PNPLA8: variants seen among roughly 807,000 people sequenced by gnomAD.
The protein encoded by PNPLA8 is patatin like domain 8, phospholipase A2.
Under a neutral mutation model 76.9 loss-of-function variants are expected in PNPLA8, and 39 were observed. That is an observed-to-expected ratio of 0.51 (90% CI 0.39 to 0.66). PNPLA8 has a LOEUF of 0.66. Among genes scored for constraint, PNPLA8 ranks in the 30% least tolerant of loss-of-function variants. The probability of loss-of-function intolerance (pLI) is 0.00; values close to 1 mark genes in which losing one functional copy is unlikely to be tolerated. For missense variants in PNPLA8, 887 were observed against 918.0 expected, an observed-to-expected ratio of 0.97 and a Z score of 0.44; for synonymous variants, 301 against 307.9, an observed-to-expected ratio of 0.98 and a Z score of 0.24.
intron 4 of PNPLA8, among the ~76,000 whole-genome samples, chr7:108,512,824 TA>T (rs1863037713): frequency 6.6e-6 from 1 of 152,156 alleles, no homozygotes; most frequent in South Asian, 2.1e-4. Flanking sequence ...TTTTTCATAG[TA>T]TTGAAAGGTC....
At position 108,502,571 on chromosome 7, in the gene PNPLA8, T is replaced by C. The variant is rs1420824978; in HGVS notation, c.1278A>G (p.Glu426=). 3.1e-6 allele frequency: 5 copies of C among 1,612,688 alleles called. No individual in the cohort carries two copies. The Admixed American group carries it at 8.3e-5, about 27-fold the overall frequency. ...KDETLQAAVR[E]ILALIGYVDP... ...CCACATAGCCAATTAGGGCCAAAAT[T>C]TCTCTAACTGCAGCCTGAAGAGTTT... The change falls in exon 5 of 11, where the codon GAA becomes GAG. Residue 426 remains glutamate (E), a synonymous_variant. Transcript: ENST00000257694.
At position 108,472,303 on chromosome 7, in the gene PNPLA8, A is replaced by G. The variant is rs1859673911; in HGVS notation, c.*98T>C. 1.2e-6 allele frequency: 1 copy of G among 813,994 alleles called. No homozygotes were observed. Among genetic ancestry groups the G allele is most frequent in the Admixed American group, 2.9e-5 (1 of 34,760 alleles). 50.4% of individuals were successfully genotyped at this position (813,994 alleles called of 1,614,324 possible). A position where few individuals can be genotyped will look rare whatever the true frequency, so the allele number is the denominator to read the frequency against. ...TCAGGATTCTCCAGAATTCATACGT[A>G]TTTCAAAGTTAACTCATGTCGAACC... On this transcript the variant is annotated 3_prime_UTR_variant, in exon 11 of 11. Coordinates refer to ENST00000257694, the MANE Select transcript of PNPLA8 (RefSeq NM_001256007.3).
intron 9 of PNPLA8, among the ~76,000 whole-genome samples, chr7:108,484,319 G>C (rs766982977): frequency 5.3e-5 from 8 of 152,096 alleles, no homozygotes; most frequent in Non-Finnish European, 1.0e-4. Context: ...TTGTCAGATG[G>C]CTATTCTATC....
chr7:108,522,857 A>G (rs1055664373), intron 1 of PNPLA8, among the ~76,000 whole-genome samples: 7 of 152,268 alleles, frequency 4.6e-5, no homozygotes, highest in Non-Finnish European at 8.8e-5. Context: ...AGACAATTTC[A>G]TAATCATGAG....
chr7:108,478,844 T>C (rs1563931820), intron 10 of PNPLA8, among the ~76,000 whole-genome samples: 2 of 152,254 alleles, frequency 1.3e-5, no homozygotes, highest in Non-Finnish European at 2.9e-5. Context: ...TGCTATCATG[T>C]ATATGTTTGA....
intron 5 of PNPLA8, among the ~76,000 whole-genome samples, chr7:108,498,153 A>C (rs1400855400): frequency 2.6e-5 from 4 of 151,630 alleles, no homozygotes; most frequent in Non-Finnish European, 5.9e-5. Flanking sequence ...AACAAAAAAA[A>C]CTGGAAAACA....
chr7:108,524,652 C>A (rs1360107363), intron 1 of PNPLA8, among the ~76,000 whole-genome samples: 1 of 152,048 alleles, frequency 6.6e-6, no homozygotes, highest in South Asian at 2.1e-4. Context: ...TGGGGAAACC[C>A]GTCTCTACTT....
chr7:108,498,942 T>C (rs1861751578), intron 5 of PNPLA8, among the ~76,000 whole-genome samples: 1 of 152,124 alleles, frequency 6.6e-6, no homozygotes, highest in Non-Finnish European at 1.5e-5. Context: ...TTGTGCTTGA[T>C]AATGTTAACA....
intron 7 of PNPLA8, among the ~76,000 whole-genome samples, chr7:108,493,812 CTAAGAT>C (rs1861374265): frequency 6.6e-6 from 1 of 151,440 alleles, no homozygotes; most frequent in Non-Finnish European, 1.5e-5. Flanking sequence ...TAAAAGTAGC[CTAAGAT>C]TAACTTTGAA....
upstream of PNPLA8, chr7:108,527,915 G>A (rs921269750): frequency 6.6e-6 from 1 of 152,150 alleles, no homozygotes; most frequent in Non-Finnish European, 1.5e-5. Context: ...TTCCCTCTCC[G>A]CTTATGCTCT....
chr7:108,521,143 A>G (rs1474366861), intron 2 of PNPLA8, among the ~76,000 whole-genome samples: 1 of 151,596 alleles, frequency 6.6e-6, no homozygotes, highest in East Asian at 1.9e-4. Flanking sequence ...ATATAGCCAG[A>G]AAAAAAAATG....
chr7:108,472,775 T>C (rs1295789837), intron 10 of PNPLA8, 100 bp from the exon 11 acceptor site: 12 of 748,210 alleles, frequency 1.6e-5, no homozygotes, highest in Non-Finnish European at 1.8e-5. Flanking sequence ...AACTTCTTTT[T>C]AGGCACATTA....
At chr7:108,521,324 T>G (rs951542122) in intron 2 of PNPLA8, among the ~76,000 whole-genome samples, 152 bp downstream of exon 2, 1 of 152,060 alleles carries the variant, frequency 6.6e-6, no homozygotes, top group Non-Finnish European at 1.5e-5. Context: ...ACACCTATAA[T>G]GAAAGGCTGA....
intron 10 of PNPLA8, among the ~76,000 whole-genome samples, chr7:108,475,503 T>A (rs1203655471): frequency 6.6e-6 from 1 of 152,164 alleles, no homozygotes; most frequent in South Asian, 2.1e-4. Flanking sequence ...AATCTACATA[T>A]CAATTTGTGA....
At position 108,515,558 on chromosome 7, in the gene PNPLA8, A is replaced by G. The variant is rs564645982; in HGVS notation, c.-67T>C. 1.1e-5 allele frequency: 14 copies of G among 1,304,002 alleles called. No individual in the cohort carries two copies. Among genetic ancestry groups the G allele is most frequent in the South Asian group, 2.7e-5 (1 of 37,174 alleles). 80.8% of individuals were successfully genotyped at this position (1,304,002 alleles called of 1,614,324 possible). A position where few individuals can be genotyped will look rare whatever the true frequency, so the allele number is the denominator to read the frequency against. ...TTGAACGCTTCATTTAAGAAATGCC[A>G]TAATTCATGGTCTTACCTGAAATGG... On this transcript the variant is annotated 5_prime_UTR_variant, in exon 3 of 11. It removes an upstream start codon present in the reference 5' UTR. Transcript: ENST00000257694.
chr7:108,527,707 G>T, upstream of PNPLA8: 1 of 152,312 alleles, frequency 6.6e-6, no homozygotes, highest in Non-Finnish European at 1.5e-5. Flanking sequence ...TTGTTAAAGT[G>T]ACTTACAAGA....
chr7:108,518,988 A>AAAAAGC (rs1359520981), intron 2 of PNPLA8, among the ~76,000 whole-genome samples: 2 of 151,730 alleles, frequency 1.3e-5, no homozygotes, highest in African/African-American at 2.4e-5. Flanking sequence ...TTGTAATTAG[A>AAAAAGC]AAAAGCAAAA....
At chr7:108,526,213 G>C, upstream of PNPLA8, 1 of 484,816 alleles carries the variant, frequency 2.1e-6, no homozygotes, top group Non-Finnish European at 2.7e-6. Flanking sequence ...AGAAGTTTGG[G>C]TCTACCCGCG....
chr7:108,504,578 C>G (rs550882893), intron 4 of PNPLA8, among the ~76,000 whole-genome samples: 7 of 152,288 alleles, frequency 4.6e-5, no homozygotes, highest in African/African-American at 1.7e-4. Flanking sequence ...ACTGCAATCC[C>G]ACCATGTTTT....
Sources: gnomAD v4.1 joint callset for allele counts (sites outside exome capture counted in the v4.1 genomes callset) on GRCh38, gnomAD v4.1.1 for gene constraint, MANE v1.5 for transcripts, NCBI Gene and HGNC (gene_info 2026-07-23, HGNC 2026-07-21) for gene names.